SMDT1: variants seen among roughly 807,000 people sequenced by gnomAD.
The protein encoded by SMDT1 is single-pass membrane protein with aspartate rich tail 1.
Under a neutral mutation model 5.9 loss-of-function variants are expected in SMDT1, and 6 were observed. The ratio of observed to expected loss-of-function variants is 1.03; its 90% CI spans 0.56 to 2.02. SMDT1 has a LOEUF of 2.02. Among genes scored for constraint, SMDT1 ranks in the 30% most tolerant of loss-of-function variants. The probability of loss-of-function intolerance (pLI) is 0.00; values close to 1 mark genes in which losing one functional copy is unlikely to be tolerated. For synonymous variants in SMDT1, 81 were observed against 62.4 expected, an observed-to-expected ratio of 1.30 and a Z score of -1.40; for missense variants, 159 against 145.6, an observed-to-expected ratio of 1.09 and a Z score of -0.47.
At position 42,082,066 on chromosome 22, in the gene SMDT1, G is replaced by T; in HGVS notation, c.*3+1G>T. On this transcript the variant is annotated splice_donor_variant, in intron 2 of 2. Coordinates refer to ENST00000331479, the MANE Select transcript of SMDT1 (RefSeq NM_033318.5). LOFTEE classifies it low-confidence loss of function (3UTR_SPLICE). ...GGATGATGATGATGATGACTAACAG[G>T]TAAGACTTGCTTTACCCTAGATGGA... The T allele has an allele frequency of 6.2e-7, 1 of 1,610,444 alleles. No homozygotes were observed. Among genetic ancestry groups the T allele is most frequent in the Non-Finnish European group, 8.5e-7 (1 of 1,180,004 alleles).
In SMDT1 at chr22:42,081,881, G is replaced by C. The variant is rs565887363; in HGVS notation, c.187-44G>C. On this transcript the variant is annotated intron_variant, in intron 1 of 2. Coordinates refer to ENST00000331479, the MANE Select transcript of SMDT1 (RefSeq NM_033318.5). ...GGCCAGGTCTTCTTTGGTCCTGCCAGAGTGGGCTCTGGAGCTCACAGCTGC... is the reference window on the plus strand; with the variant it reads ...GGCCAGGTCTTCTTTGGTCCTGCCACAGTGGGCTCTGGAGCTCACAGCTGC... 129 of 1,610,986 alleles carry C rather than the reference G, an allele frequency of 8.0e-5. No homozygotes were observed. In the South Asian group the frequency reaches 1.4e-3, roughly 17 times the overall value.
chr22:42,080,026 T>C, intron 1 of SMDT1, 72 bp downstream of exon 1: 12 of 1,481,418 alleles, frequency 8.1e-6, no homozygotes, highest in Non-Finnish European at 1.1e-5. Context: ...AGGGCGGCGC[T>C]GATTGATAGG....
At chr22:42,082,578 C>A (rs959713283) in intron 2 of SMDT1, among the ~76,000 whole-genome samples, 1 of 152,208 alleles carries the variant, frequency 6.6e-6, no homozygotes, top group Non-Finnish European at 1.5e-5. Flanking sequence ...GCCTGGCATT[C>A]AAGGCTTGCC....
At chr22:42,082,931 T>A (rs1276503068) in intron 2 of SMDT1, among the ~76,000 whole-genome samples, 188 bp from the exon 3 acceptor site, 1 of 152,208 alleles carries the variant, frequency 6.6e-6, no homozygotes, top group African/African-American at 2.4e-5. Flanking sequence ...GGGACGTTTT[T>A]TATACATTGC....
Position 42,083,365 on chromosome 22 carries a change from CTGAG to C in SMDT1, c.*254_*257del, listed in dbSNP as rs754891294. ...CATAATAAATATCAGCCGTGCGTGA[CTGAG>C]TGATGGCTGCAGTTTCTCAGTATCC... On this transcript the variant is annotated 3_prime_UTR_variant, in exon 3 of 3. Coordinates refer to ENST00000331479, the MANE Select transcript of SMDT1 (RefSeq NM_033318.5). 1 of 152,390 alleles carries C rather than the reference CTGAG, an allele frequency of 6.6e-6. No individual in the cohort carries two copies. The highest frequency in any genetic ancestry group is 1.5e-5 in the Non-Finnish European group (1 of 68,042). The allele number at this position is 152,390 out of a possible 1,614,324, so 9.4% of individuals were successfully genotyped here.
In SMDT1 at chr22:42,083,367, G is replaced by A. The variant is rs1227910919; in HGVS notation, c.*252G>A. The A allele has an allele frequency of 6.6e-6, 1 of 152,398 alleles. No homozygotes were observed. Among genetic ancestry groups the A allele is most frequent in the Non-Finnish European group, 1.5e-5 (1 of 68,050 alleles). 9.4% of individuals were successfully genotyped at this position (152,398 alleles called of 1,614,324 possible). A position where few individuals can be genotyped will look rare whatever the true frequency, so the allele number is the denominator to read the frequency against. ...TAATAAATATCAGCCGTGCGTGACT[G>A]AGTGATGGCTGCAGTTTCTCAGTAT... On this transcript the variant is annotated 3_prime_UTR_variant, in exon 3 of 3. Coordinates refer to ENST00000331479, the MANE Select transcript of SMDT1 (RefSeq NM_033318.5).
At chr22:42,081,042 G>T (rs1398104003) in intron 1 of SMDT1, among the ~76,000 whole-genome samples, 1 of 152,182 alleles carries the variant, frequency 6.6e-6, no homozygotes, top group Non-Finnish European at 1.5e-5. Flanking sequence ...TGGTGCACCC[G>T]ATTGCCTGTA....
chr22:42,083,477 A>C lies in SMDT1; in HGVS notation c.*362A>C, dbSNP rs1287638455. On this transcript the variant is annotated 3_prime_UTR_variant, in exon 3 of 3. Coordinates refer to ENST00000331479, the MANE Select transcript of SMDT1 (RefSeq NM_033318.5). ...GCCCAGGCTATCCAGGCTGCAGTGG[A>C]GCCTGGTGAACTATTCTGGGGGCCC... 6.6e-6 allele frequency: 1 copy of C among 152,124 alleles called. No homozygotes were observed. Among genetic ancestry groups the C allele is most frequent in the Non-Finnish European group, 1.5e-5 (1 of 68,036 alleles). The allele number at this position is 152,124 out of a possible 1,614,324, so 9.4% of individuals were successfully genotyped here.
Position 42,081,949 on chromosome 22 carries a change from T to C in SMDT1, c.211T>C (p.Phe71Leu). 1 of 1,614,134 alleles carries C rather than the reference T, an allele frequency of 6.2e-7. No homozygotes were observed. The change falls in exon 2 of 3, where the codon TTC becomes CTC. Residue 71 changes from phenylalanine (F) to leucine (L), a missense_variant. By Grantham distance (22) the Phe-to-Leu change is conservative. Transcript: ENST00000331479. ...VKMSFGLLRVFSIVIPFLYVG... is the reference protein window; with the variant it reads ...VKMSFGLLRVLSIVIPFLYVG... Reference sequence around the variant, plus strand: ...GATGTCCTTCGGCCTTCTCCGTGTGTTCTCCATTGTGATCCCCTTTCTCTA... The same window carrying C: ...GATGTCCTTCGGCCTTCTCCGTGTGCTCTCCATTGTGATCCCCTTTCTCTA...
intron 2 of SMDT1, among the ~76,000 whole-genome samples, chr22:42,082,797 T>C (rs1927886252): frequency 6.6e-6 from 1 of 152,212 alleles, no homozygotes; most frequent in South Asian, 2.1e-4. Context: ...TCGTTCCTCC[T>C]TTCATTTGAA....
chr22:42,079,805 C>G lies in SMDT1; in HGVS notation c.37C>G (p.Pro13Ala), dbSNP rs766918669. 6.2e-7 allele frequency: 1 copy of G among 1,611,308 alleles called. No individual in the cohort carries two copies. The highest frequency in any genetic ancestry group is 8.5e-7 in the Non-Finnish European group (1 of 1,179,772). ...AGCGGCTCGCTGGCTAGTATTGGCA[C>G]CCGTCAGGTCCGGGGCTCTCCGGAG... ...SGAARWLVLA[P>A]VRSGALRSGP... The change falls in exon 1 of 3, where the codon CCC (proline) becomes GCC (alanine). Residue 13 changes from proline to alanine, a missense_variant. Physicochemically the swap from Pro to Ala is conservative, Grantham distance 27. Coordinates refer to ENST00000331479, the MANE Select transcript of SMDT1 (RefSeq NM_033318.5).
At chr22:42,082,827 T>C (rs1412483998) in intron 2 of SMDT1, among the ~76,000 whole-genome samples, 1 of 152,206 alleles carries the variant, frequency 6.6e-6, no homozygotes, top group Non-Finnish European at 1.5e-5. Context: ...CTCCTTCCTC[T>C]AAGCAACCAG....
Position 42,081,940 on chromosome 22 carries a change from C to G in SMDT1, c.202C>G (p.Leu68Val). ...CCCTCTGCAGATGTCCTTCGGCCTT[C>G]TCCGTGTGTTCTCCATTGTGATCCC... ...PKPVKMSFGLLRVFSIVIPFL... is the reference protein window; with the variant it reads ...PKPVKMSFGLVRVFSIVIPFL... Residue 68 changes from leucine (L) to valine (V), a missense_variant, in exon 2 of 3, where the codon CTC becomes GTC. Physicochemically the swap from Leu to Val is conservative, Grantham distance 32. Transcript: ENST00000331479. 1.2e-6 allele frequency: 2 copies of G among 1,614,134 alleles called. No individual in the cohort carries two copies. The highest frequency in any genetic ancestry group is 1.1e-5 in the South Asian group (1 of 91,088).
rs756814054 is a variant in SMDT1 at position 42,079,821 on chromosome 22, C to G, written c.53C>G (p.Ala18Gly). The G allele has an allele frequency of 1.5e-5, 25 of 1,612,984 alleles. No individual in the cohort carries two copies. Among genetic ancestry groups the G allele is most frequent in the Non-Finnish European group, 1.9e-5 (22 of 1,179,908 alleles). The change falls in exon 1 of 3, where the codon GCT becomes GGT. Residue 18 changes from alanine to glycine, a missense_variant. By Grantham distance (60) the Ala-to-Gly change is moderately conservative (BLOSUM62 0). Coordinates refer to ENST00000331479, the MANE Select transcript of SMDT1 (RefSeq NM_033318.5). Reference sequence around the variant, plus strand: ...GTATTGGCACCCGTCAGGTCCGGGGCTCTCCGGAGCGGGCCTAGCTTGAGG... The same window carrying G: ...GTATTGGCACCCGTCAGGTCCGGGGGTCTCCGGAGCGGGCCTAGCTTGAGG... ...WLVLAPVRSGALRSGPSLRKD... is the reference protein window; with the variant it reads ...WLVLAPVRSGGLRSGPSLRKD...
Position 42,083,342 on chromosome 22 carries a change from TAATA to T in SMDT1, c.*232_*235del, listed in dbSNP as rs1927927381. 2 of 152,614 alleles carry T rather than the reference TAATA, an allele frequency of 1.3e-5. No individual in the cohort carries two copies. Among genetic ancestry groups the T allele is most frequent in the Non-Finnish European group, 1.5e-5 (1 of 68,032 alleles). The allele number at this position is 152,614 out of a possible 1,614,324, so 9.5% of individuals were successfully genotyped here. A position where few individuals can be genotyped will look rare whatever the true frequency, so the allele number is the denominator to read the frequency against. On this transcript the variant is annotated 3_prime_UTR_variant, in exon 3 of 3. Transcript: ENST00000331479. Reference sequence around the variant, plus strand: ...CAAGCAATCAAATTATGAATAAACATAATAAATATCAGCCGTGCGTGACTGAGTG... The same window carrying T: ...CAAGCAATCAAATTATGAATAAACATAATATCAGCCGTGCGTGACTGAGTG...
intron 1 of SMDT1, 84 bp from the exon 2 acceptor site, chr22:42,081,841 G>A (rs562244602): frequency 5.9e-5 from 90 of 1,526,598 alleles, no homozygotes; most frequent in Admixed American, 5.2e-4. Context: ...GGGTCTGAGG[G>A]TATGTCTGTG....
In SMDT1 at chr22:42,079,843, G is replaced by A. The variant is rs778836615; in HGVS notation, c.75G>A (p.Leu25=). 1.2e-6 allele frequency: 2 copies of A among 1,614,092 alleles called. No homozygotes were observed. The highest frequency in any genetic ancestry group is 1.7e-5 in the Admixed American group (1 of 60,026). The change falls in exon 1 of 3, where the codon TTG becomes TTA. Residue 25 remains leucine (L), a synonymous_variant. Transcript: ENST00000331479. Reference sequence around the variant, plus strand: ...GGGCTCTCCGGAGCGGGCCTAGCTTGAGGAAAGATGGCGATGTCTCCGCCG... The same window carrying A: ...GGGCTCTCCGGAGCGGGCCTAGCTTAAGGAAAGATGGCGATGTCTCCGCCG... The part of the protein sequence containing the change: ...RSGALRSGPS[L]RKDGDVSAAW...
chr22:42,080,258 T>C (rs1306526289), intron 1 of SMDT1, among the ~76,000 whole-genome samples: 2 of 152,176 alleles, frequency 1.3e-5, no homozygotes, highest in Admixed American at 1.3e-4. Flanking sequence ...CTTAGAGCAG[T>C]CCTGTAATCT....
rs1309089758 is a variant in SMDT1, at chr22:42,079,860, T to A, written c.92T>A (p.Val31Asp). Residue 31 changes from valine (V) to aspartate (D), a missense_variant, in exon 1 of 3, where the codon GTC becomes GAC. Transcript: ENST00000331479. ...SGPSLRKDGD[V>D]SAAWSGSGRS... Reference sequence around the variant, plus strand: ...CCTAGCTTGAGGAAAGATGGCGATGTCTCCGCCGCATGGAGCGGCTCAGGC... The same window carrying A: ...CCTAGCTTGAGGAAAGATGGCGATGACTCCGCCGCATGGAGCGGCTCAGGC... The A allele has an allele frequency of 1.2e-6, 2 of 1,614,116 alleles. No homozygotes were observed. Among genetic ancestry groups the A allele is most frequent in the Non-Finnish European group, 1.7e-6 (2 of 1,180,012 alleles).
Sources: gnomAD v4.1 joint callset for allele counts (sites outside exome capture counted in the v4.1 genomes callset) on GRCh38, gnomAD v4.1.1 for gene constraint, MANE v1.5 for transcripts, NCBI Gene and HGNC (gene_info 2026-07-23, HGNC 2026-07-21) for gene names.